Variants in EML4 observed in about 807,000 individuals in gnomAD.
The protein encoded by EML4 is echinoderm microtubule-associated protein-like 4.
In EML4, 72 loss-of-function variants were observed where a neutral mutation model predicts 129.0. The ratio of observed to expected loss-of-function variants is 0.56; its 90% CI spans 0.46 to 0.68. EML4 has a LOEUF of 0.68. Among genes scored for constraint, EML4 ranks in the 30% least tolerant of loss-of-function variants. The pLI is 0.00. For synonymous variants in EML4, 532 were observed against 405.0 expected, an observed-to-expected ratio of 1.31 and a Z score of -3.77; for missense variants, 1,363 against 1,190.6, an observed-to-expected ratio of 1.14 and a Z score of -2.13.
In EML4 at chr2:42,267,095, ACTTCAACCTC is replaced by A. The variant is rs768726598; in HGVS notation, c.667+2366_667+2375del. On this transcript the variant is annotated intron_variant, in intron 6 of 22. Transcript: ENST00000318522. ...TAGCTATAGTGACATTGAGCAGGTT[ACTTCAACCTC>A]CCTAAGTCTTTGTTTTCTCATCTGT... Among the ~76,000 whole-genome samples the A allele has an allele frequency of 1.4e-4, 21 of 152,338 alleles. No individual in the cohort carries two copies. In the South Asian group the frequency reaches 4.1e-3, roughly 30 times the overall value.
chr2:42,261,973 G>C (rs775299668), intron 4 of EML4, among the ~76,000 whole-genome samples: 3 of 152,140 alleles, frequency 2.0e-5, no homozygotes, highest in Non-Finnish European at 4.4e-5. Context: ...CAGTGCTACA[G>C]CTGCCTCCTA....
At position 42,259,814 on chromosome 2, in the gene EML4, C is replaced by T. The variant is rs1364564621; in HGVS notation, c.339-1307C>T. Among the ~76,000 whole-genome samples, 13 of 148,452 alleles carry T rather than the reference C, an allele frequency of 8.8e-5. No homozygotes were observed. The Admixed American group carries it at 8.8e-4, about 10-fold the overall frequency. ...GCGCAATCTCGGCTCACTGCAAGCTCCGCCTCCTGGGTTCACACCATTCTC... is the reference window on the plus strand; with the variant it reads ...GCGCAATCTCGGCTCACTGCAAGCTTCGCCTCCTGGGTTCACACCATTCTC... On this transcript the variant is annotated intron_variant, in intron 3 of 22. Transcript: ENST00000318522.
At chr2:42,235,125 G>A (rs1232440852) in intron 1 of EML4, among the ~76,000 whole-genome samples, 2 of 152,074 alleles carry the variant, frequency 1.3e-5, no homozygotes, top group East Asian at 1.9e-4. Context: ...GTGAGATCCC[G>A]TCTCTATTAA....
At chr2:42,231,231 A>G (rs1008877291) in intron 1 of EML4, among the ~76,000 whole-genome samples, 5 of 152,192 alleles carry the variant, frequency 3.3e-5, no homozygotes, top group Non-Finnish European at 7.3e-5. Flanking sequence ...GCAGTCTAAC[A>G]TTATGTCTCC....
Position 42,169,520 on chromosome 2 carries a change from G to A in EML4, c.-92G>A, listed in dbSNP as rs1670122988. ...AGCCGAGCCGGGCGACCTAGAGAAC[G>A]AGCGGGTCAGGCTCAGCGTCGGCCA... On this transcript the variant is annotated 5_prime_UTR_variant, in exon 1 of 23. Coordinates refer to ENST00000318522, the MANE Select transcript of EML4 (RefSeq NM_019063.5). 7 of 1,439,484 alleles carry A rather than the reference G, an allele frequency of 4.9e-6. No homozygotes were observed. The highest frequency in any genetic ancestry group is 6.5e-6 in the Non-Finnish European group (7 of 1,078,138). The allele number at this position is 1,439,484 out of a possible 1,614,324, so 89.2% of individuals were successfully genotyped here. A position where few individuals can be genotyped will look rare whatever the true frequency, so the allele number is the denominator to read the frequency against.
At chr2:42,244,024 G>GA (rs1675207048) in intron 1 of EML4, among the ~76,000 whole-genome samples, 1 of 150,870 alleles carries the variant, frequency 6.6e-6, no homozygotes, top group Non-Finnish European at 1.5e-5. Context: ...TTATTTCCCT[G>GA]AATTTTCCTG....
chr2:42,274,185 GCAT>G (rs1666528545), intron 6 of EML4, among the ~76,000 whole-genome samples: 8 of 152,174 alleles, frequency 5.3e-5, no homozygotes. Flanking sequence ...AAATTAAGTA[GCAT>G]CATACTCTCC....
chr2:42,328,961 T>C lies in EML4; in HGVS notation c.2417T>C (p.Val806Ala). Residue 806 changes from valine to alanine, a missense_variant, in exon 22 of 23, where the codon GTT becomes GCT. Coordinates refer to ENST00000318522, the MANE Select transcript of EML4 (RefSeq NM_019063.5). ...TCCCACAATAGAAAGGTGATAGCTG[T>C]TGCCGATGACTTTTGTAAAGTCCAT... is the stretch of plus-strand genomic sequence containing the variant. ...VRSHNRKVIA[V>A]ADDFCKVHLF... The C allele has an allele frequency of 6.2e-7, 1 of 1,613,576 alleles. No homozygotes were observed. Among genetic ancestry groups the C allele is most frequent in the Non-Finnish European group, 8.5e-7 (1 of 1,179,912 alleles).
chr2:42,305,682 T>A (rs376390668), intron 17 of EML4, among the ~76,000 whole-genome samples: 1 of 152,230 alleles, frequency 6.6e-6, no homozygotes, highest in Non-Finnish European at 1.5e-5. Context: ...TAGTAAGTAG[T>A]CCTTCTCACA....
chr2:42,221,122 C>T (rs547098041), intron 1 of EML4, among the ~76,000 whole-genome samples: 1 of 152,112 alleles, frequency 6.6e-6, no homozygotes, highest in Admixed American at 6.5e-5. Context: ...AAGGTGGCTG[C>T]ACTAAACAAC....
intron 1 of EML4, among the ~76,000 whole-genome samples, chr2:42,206,241 TCTCA>T (rs1434761148): frequency 1.3e-5 from 2 of 152,174 alleles, no homozygotes; most frequent in African/African-American, 4.8e-5. Flanking sequence ...AGAGACAGGG[TCTCA>T]CTCTGTCACC....
chr2:42,283,205 C>T (rs1361765308), intron 8 of EML4, among the ~76,000 whole-genome samples: 1 of 152,222 alleles, frequency 6.6e-6, no homozygotes, highest in East Asian at 1.9e-4. Context: ...ATTGGAACCT[C>T]TTCTGCTTTC....
chr2:42,326,346 G>A, intron 21 of EML4, 94 bp downstream of exon 21: 1 of 822,762 alleles, frequency 1.2e-6, no homozygotes, highest in Non-Finnish European at 1.9e-6. Flanking sequence ...AATAGTCTGT[G>A]TATTCTTTAG....
At chr2:42,310,764 T>G (rs1438606692) in intron 17 of EML4, among the ~76,000 whole-genome samples, 1 of 152,222 alleles carries the variant, frequency 6.6e-6, no homozygotes, top group Non-Finnish European at 1.5e-5. Context: ...GGCCGGAAGA[T>G]CTCTTGAAGC....
chr2:42,261,024 T>G, intron 3 of EML4, 97 bp from the exon 4 acceptor site: 3 of 914,516 alleles, frequency 3.3e-6, no homozygotes, highest in Non-Finnish European at 4.9e-6. Flanking sequence ...GCTGTATGAC[T>G]TAGGGTTTTG....
At chr2:42,265,789 C>G (rs1385922455) in intron 6 of EML4, among the ~76,000 whole-genome samples, 1 of 152,120 alleles carries the variant, frequency 6.6e-6, no homozygotes, top group African/African-American at 2.4e-5. Flanking sequence ...AATCCATTTC[C>G]TCTTAAGTTT....
chr2:42,228,504 T>C (rs187522224), intron 1 of EML4, among the ~76,000 whole-genome samples: 43 of 152,366 alleles, frequency 2.8e-4, no homozygotes, highest in South Asian at 4.1e-4. Context: ...TCAATACTTA[T>C]ATCATTTGGA....
chr2:42,252,835 A>C (rs776429514), intron 2 of EML4, among the ~76,000 whole-genome samples: 3 of 152,040 alleles, frequency 2.0e-5, no homozygotes, highest in Non-Finnish European at 2.9e-5. Context: ...CTGTGTCCCT[A>C]ATCCTTATAG....
intron 1 of EML4, among the ~76,000 whole-genome samples, chr2:42,182,618 A>C (rs1026703935): frequency 6.6e-6 from 1 of 152,220 alleles, no homozygotes; most frequent in African/African-American, 2.4e-5. Context: ...AGCTTTAATG[A>C]AAAAGTGGAA....
Sources: gnomAD v4.1 joint callset for allele counts (sites outside exome capture counted in the v4.1 genomes callset) on GRCh38, gnomAD v4.1.1 for gene constraint, MANE v1.5 for transcripts, NCBI Gene and HGNC (gene_info 2026-07-23, HGNC 2026-07-21) for gene names.